NUP155: variants seen among roughly 807,000 people sequenced by gnomAD.
The protein encoded by NUP155 is nuclear pore complex protein Nup155.
Under a neutral mutation model 180.4 loss-of-function variants are expected in NUP155, and 71 were observed. The observed-to-expected ratio is 0.39, with a 90% CI of 0.33 to 0.48. The LOEUF is 0.48. Among genes scored for constraint, NUP155 ranks in the 20% least tolerant of loss-of-function variants. The pLI, the probability that NUP155 is intolerant of heterozygous loss-of-function variation, is 0.91. For missense variants in NUP155, 1,553 were observed against 1,648.9 expected (o/e 0.94, Z 1.01); for synonymous variants, 582 against 559.5 (o/e 1.04, Z -0.57).
chr5:37,289,232 G>A lies in NUP155; in HGVS notation c.*2668C>T, dbSNP rs1035082403. Reference sequence around the variant, plus strand: ...GAGGATGAGGTGGGAAGACTGAGTTGAGCCCAGGAGCTCGAGGCTGCAGTG... The same window carrying A: ...GAGGATGAGGTGGGAAGACTGAGTTAAGCCCAGGAGCTCGAGGCTGCAGTG... On this transcript the variant is annotated 3_prime_UTR_variant, in exon 35 of 35. Transcript: ENST00000231498. The A allele has an allele frequency of 6.6e-6, 1 of 152,486 alleles. No homozygotes were observed. The highest frequency in any genetic ancestry group is 2.4e-5 in the African/African-American group (1 of 41,472). The allele number at this position is 152,486 out of a possible 1,614,324, so 9.4% of individuals were successfully genotyped here. A position where few individuals can be genotyped will look rare whatever the true frequency, so the allele number is the denominator to read the frequency against.
At chr5:37,304,264 AAAAAAAAAAG>A (rs1057513632) in intron 27 of NUP155, among the ~76,000 whole-genome samples, 14 of 149,720 alleles carry the variant, frequency 9.4e-5, no homozygotes, top group Admixed American at 1.3e-4. Flanking sequence ...AAAAAAAAAA[AAAAAAAAAAG>A]GGAAATTTAC....
chr5:37,311,725 A>G (rs1316855836), intron 22 of NUP155, among the ~76,000 whole-genome samples: 1 of 152,074 alleles, frequency 6.6e-6, no homozygotes, highest in Non-Finnish European at 1.5e-5. Context: ...CAGATTTAAA[A>G]TATTATCCTT....
Position 37,364,324 on chromosome 5 carries a change from A to T in NUP155, c.218T>A (p.Leu73Gln). The T allele has an allele frequency of 6.2e-7, 1 of 1,611,588 alleles. No homozygotes were observed. The highest frequency in any genetic ancestry group is 8.5e-7 in the Non-Finnish European group (1 of 1,177,668). The change falls in exon 2 of 35, where the codon CTG becomes CAG. Residue 73 changes from leucine (L) to glutamine (Q), a missense_variant. Physicochemically the swap from Leu to Gln is moderately radical, Grantham distance 113. Transcript: ENST00000231498. ...MDYPLQGPGLLSVPNLPEISS... is the reference protein window; with the variant it reads ...MDYPLQGPGLQSVPNLPEISS... ...GATCTCTGGAAGGTTGGGTACGGAC[A>T]GCAAACCAGGTCCTTGCAAAGGATA...
chr5:37,300,487 C>CA (rs1208105377), intron 30 of NUP155, among the ~76,000 whole-genome samples: 1 of 140,928 alleles, frequency 7.1e-6, no homozygotes, highest in Non-Finnish European at 1.6e-5. Flanking sequence ...GGAATACTGA[C>CA]AAATCTCAAA....
At chr5:37,333,835 G>A (rs556674158) in intron 12 of NUP155, among the ~76,000 whole-genome samples, 6 of 149,492 alleles carry the variant, frequency 4.0e-5, no homozygotes, top group Non-Finnish European at 5.9e-5. Flanking sequence ...TTTTTGAGAC[G>A]AAGTTGTCTA....
chr5:37,342,988 C>A (rs529997514), intron 9 of NUP155, among the ~76,000 whole-genome samples: 1 of 152,342 alleles, frequency 6.6e-6, no homozygotes, highest in South Asian at 2.1e-4. Flanking sequence ...CGTGATCCGC[C>A]CGCCTCGGCC....
chr5:37,359,141 T>A (rs1428454392), intron 3 of NUP155, among the ~76,000 whole-genome samples: 2 of 149,156 alleles, frequency 1.3e-5, no homozygotes, highest in Non-Finnish European at 1.5e-5. Flanking sequence ...TATGAAAAAT[T>A]TATATATATA....
intron 30 of NUP155, among the ~76,000 whole-genome samples, chr5:37,299,862 G>A (rs1332009937): frequency 7.0e-6 from 1 of 142,348 alleles, no homozygotes; most frequent in Non-Finnish European, 1.5e-5. Flanking sequence ...GTGAAACCCC[G>A]TCTCTACTAA....
At chr5:37,318,694 A>G (rs926825934) in intron 20 of NUP155, among the ~76,000 whole-genome samples, 4 of 152,220 alleles carry the variant, frequency 2.6e-5, no homozygotes, top group African/African-American at 9.7e-5. Flanking sequence ...AGGGATATTC[A>G]ATGTGTATCA....
At chr5:37,338,720 T>C (rs1211904737) in intron 11 of NUP155, among the ~76,000 whole-genome samples, 3 of 152,116 alleles carry the variant, frequency 2.0e-5, no homozygotes, top group Non-Finnish European at 4.4e-5. Context: ...TCAATCTTTA[T>C]AAACAAACAA....
chr5:37,353,474 T>C (rs1581203076), intron 4 of NUP155, among the ~76,000 whole-genome samples: 1 of 151,916 alleles, frequency 6.6e-6, no homozygotes, highest in East Asian at 1.9e-4. Context: ...ACCAGCTACT[T>C]GAGAGGCTGA....
In NUP155 at chr5:37,358,942, G is replaced by A. The variant is rs551942684; in HGVS notation, c.393-791C>T. On this transcript the variant is annotated intron_variant, in intron 3 of 34. Coordinates refer to ENST00000231498, the MANE Select transcript of NUP155 (RefSeq NM_153485.3). ...TGAGGCAGGAGAATCACTTGAACCC[G>A]GGAGGCAGAGTTGCAGTGAGCCGAG... Among the ~76,000 whole-genome samples, 7 of 150,704 alleles carry A rather than the reference G, an allele frequency of 4.6e-5. No individual in the cohort carries two copies. In the South Asian group the frequency reaches 1.3e-3, roughly 27 times the overall value.
At chr5:37,351,070 C>T in intron 6 of NUP155, 120 bp downstream of exon 6, 1 of 842,218 alleles carries the variant, frequency 1.2e-6, no homozygotes, top group Non-Finnish European at 1.9e-6. Context: ...CAACTGTATG[C>T]TTGAATATTT....
At chr5:37,327,369 C>T (rs114235093) in intron 18 of NUP155, among the ~76,000 whole-genome samples, 369 of 152,206 alleles carry the variant, frequency 2.4e-3, no homozygotes, top group African/African-American at 8.5e-3. Flanking sequence ...TGGTTGGCAT[C>T]CCCTAACCCC....
chr5:37,307,491 C>G, intron 24 of NUP155, 59 bp from the exon 25 acceptor site: 1 of 1,496,018 alleles, frequency 6.7e-7, no homozygotes, highest in Non-Finnish European at 9.3e-7. Context: ...ATACATTTTT[C>G]CTTAGCTGGC....
chr5:37,340,995 G>A, intron 11 of NUP155, 95 bp downstream of exon 11: 1 of 1,061,308 alleles, frequency 9.4e-7, no homozygotes, highest in Non-Finnish European at 1.4e-6. Flanking sequence ...AGTTTCTACT[G>A]TTGCCATAGG....
Position 37,294,407 on chromosome 5 carries a change from G to A in NUP155, c.3852C>T (p.Phe1284=), listed in dbSNP as rs768396938. 6.8e-6 allele frequency: 11 copies of A among 1,611,056 alleles called. No individual in the cohort carries two copies. Among genetic ancestry groups the A allele is most frequent in the Non-Finnish European group, 1.7e-6 (2 of 1,177,586 alleles). ...CAATTTCATTCATTGTCTGTATTAC[G>A]AAGCCCACATCCCAGTTCAAAGTAC... is the stretch of plus-strand genomic sequence containing the variant. ...QVCTLNWDVG[F]VIQTMNEIGV... is the part of the protein sequence containing the mutation. The change falls in exon 33 of 35, where the codon TTC becomes TTT. Residue 1284 remains phenylalanine (F), a synonymous_variant. Transcript: ENST00000231498.
At chr5:37,334,931 G>A (rs1427270989) in intron 12 of NUP155, among the ~76,000 whole-genome samples, 7 of 151,996 alleles carry the variant, frequency 4.6e-5, no homozygotes, top group African/African-American at 1.7e-4. Flanking sequence ...AGGTGGAGGC[G>A]GGCGGTACCC....
intron 12 of NUP155, among the ~76,000 whole-genome samples, chr5:37,334,977 G>T (rs1327022654): frequency 6.6e-6 from 1 of 151,944 alleles, no homozygotes; most frequent in African/African-American, 2.4e-5. Context: ...GGCCAATGTG[G>T]TGAAACCCTG....
Sources: allele counts gnomAD v4.1 joint callset (sites outside exome capture counted in the v4.1 genomes callset), GRCh38; gene constraint gnomAD v4.1.1; transcripts MANE v1.5; gene names NCBI Gene and HGNC (gene_info 2026-07-23, HGNC 2026-07-21).